Variants in SRPK2 observed in about 807,000 individuals in gnomAD.
SRPK2 encodes the protein SFRS protein kinase 2.
In SRPK2, 21 loss-of-function variants were observed where a neutral mutation model predicts 90.8. That is an observed-to-expected ratio of 0.23 (90% CI 0.16 to 0.33). SRPK2 has a LOEUF of 0.33. Ranked by LOEUF, SRPK2 falls within the 10% of genes least tolerant of loss-of-function variation. The pLI, the probability that SRPK2 is intolerant of heterozygous loss-of-function variation, is 1.00. For missense variants in SRPK2, 620 were observed against 869.0 expected (o/e 0.71, Z 3.60); for synonymous variants, 288 against 311.1 (o/e 0.93, Z 0.78).
At chr7:105,366,367 C>CT (rs34409221) in intron 2 of SRPK2, among the ~76,000 whole-genome samples, 1,471 of 139,260 alleles carry the variant, frequency 0.011, 45 homozygotes, top group East Asian at 0.063. Context: ...ACAGGTATGC[C>CT]TTTTTTTTTT....
intron 2 of SRPK2, among the ~76,000 whole-genome samples, chr7:105,328,637 G>T (rs936854301): frequency 6.6e-6 from 1 of 151,514 alleles, no homozygotes; most frequent in African/African-American, 2.4e-5. Flanking sequence ...GGCCGAGACG[G>T]GTGGATCACA....
chr7:105,155,699 G>C (rs894231305), intron 7 of SRPK2, among the ~76,000 whole-genome samples: 1 of 152,120 alleles, frequency 6.6e-6, no homozygotes, highest in Non-Finnish European at 1.5e-5. Flanking sequence ...CCTCTTAATT[G>C]GGTACTGTGA....
chr7:105,153,174 T>G (rs1297301898), intron 7 of SRPK2, among the ~76,000 whole-genome samples: 2 of 152,148 alleles, frequency 1.3e-5, no homozygotes, highest in African/African-American at 4.8e-5. Context: ...GGGAGCCATT[T>G]CACACACATG....
At chr7:105,306,417 T>C (rs192156290) in intron 2 of SRPK2, 5 of 420,370 alleles carry the variant, frequency 1.2e-5, no homozygotes, top group Non-Finnish European at 4.6e-6. Context: ...CCAAGATGTT[T>C]AAGTAGAAAT....
chr7:105,261,437 C>T (rs918064474), intron 2 of SRPK2, among the ~76,000 whole-genome samples: 6 of 151,782 alleles, frequency 4.0e-5, no homozygotes, highest in South Asian at 2.1e-4. Flanking sequence ...AGGAGAATGG[C>T]GTGAACCTGG....
chr7:105,300,369 C>G (rs1810393746), intron 2 of SRPK2, among the ~76,000 whole-genome samples: 1 of 151,338 alleles, frequency 6.6e-6, no homozygotes, highest in Non-Finnish European at 1.5e-5. Flanking sequence ...CTGGGATATA[C>G]TAATATTTCA....
At chr7:105,196,518 T>C (rs1307221220) in intron 3 of SRPK2, among the ~76,000 whole-genome samples, 1 of 152,148 alleles carries the variant, frequency 6.6e-6, no homozygotes, top group Admixed American at 6.5e-5. Context: ...GTGGAACCTT[T>C]AGCAGCATCC....
chr7:105,250,563 T>C (rs1028756915), intron 2 of SRPK2, among the ~76,000 whole-genome samples: 1 of 152,218 alleles, frequency 6.6e-6, no homozygotes, highest in Non-Finnish European at 1.5e-5. Context: ...TGACTCCTAA[T>C]AGGGATTTTT....
At chr7:105,174,382 A>G (rs1021882808) in intron 3 of SRPK2, among the ~76,000 whole-genome samples, 5 of 152,154 alleles carry the variant, frequency 3.3e-5, no homozygotes, top group Admixed American at 3.3e-4. Flanking sequence ...CTCCATGACA[A>G]TGTTCTGGAA....
At chr7:105,360,833 A>G (rs1208377265) in intron 2 of SRPK2, among the ~76,000 whole-genome samples, 1 of 152,152 alleles carries the variant, frequency 6.6e-6, no homozygotes, top group Non-Finnish European at 1.5e-5. Flanking sequence ...ATCTCAAAAT[A>G]GTAAGAGCTA....
intron 3 of SRPK2, among the ~76,000 whole-genome samples, chr7:105,190,770 C>CTA (rs1183800314): frequency 6.6e-6 from 1 of 152,096 alleles, no homozygotes; most frequent in Non-Finnish European, 1.5e-5. Flanking sequence ...TTTACTAAAC[C>CTA]ACCTGCTTGC....
At chr7:105,211,567 G>T (rs980061780) in intron 2 of SRPK2, among the ~76,000 whole-genome samples, 3 of 152,004 alleles carry the variant, frequency 2.0e-5, no homozygotes, top group Non-Finnish European at 4.4e-5. Flanking sequence ...GTGAGAGTGA[G>T]GGGGGAGGTG....
chr7:105,368,557 G>T (rs1819336172), intron 2 of SRPK2, among the ~76,000 whole-genome samples: 1 of 151,990 alleles, frequency 6.6e-6, no homozygotes, highest in Non-Finnish European at 1.5e-5. Flanking sequence ...TTCTAAACTG[G>T]CTAAGGCACT....
intron 3 of SRPK2, among the ~76,000 whole-genome samples, chr7:105,183,942 T>TAAC (rs1189213633): frequency 6.6e-6 from 1 of 150,926 alleles, no homozygotes; most frequent in Non-Finnish European, 1.5e-5. Flanking sequence ...TCAGATTCCA[T>TAAC]AACTAAAAAG....
chr7:105,131,617 T>A (rs1802014750), intron 13 of SRPK2, among the ~76,000 whole-genome samples: 1 of 152,228 alleles, frequency 6.6e-6, no homozygotes, highest in Non-Finnish European at 1.5e-5. Context: ...GAAAGCACCC[T>A]CTTTTTCTCC....
At chr7:105,360,326 C>G (rs1818285359) in intron 2 of SRPK2, among the ~76,000 whole-genome samples, 1 of 152,172 alleles carries the variant, frequency 6.6e-6, no homozygotes, top group South Asian at 2.1e-4. Flanking sequence ...GGTCTTGACT[C>G]TCTATCCAAT....
upstream of SRPK2, chr7:105,389,322 C>T (rs761769822): frequency 7.8e-7 from 1 of 1,280,984 alleles, no homozygotes; most frequent in African/African-American, 1.5e-5. Flanking sequence ...CACCTCTCTT[C>T]CCGCGGCCTC....
chr7:105,357,461 A>G (rs904317946), intron 2 of SRPK2, among the ~76,000 whole-genome samples: 3 of 152,178 alleles, frequency 2.0e-5, no homozygotes, highest in Non-Finnish European at 4.4e-5. Flanking sequence ...GACCTGCTAT[A>G]AACAATAAAT....
chr7:105,235,722 A>G (rs1800047340), intron 2 of SRPK2, among the ~76,000 whole-genome samples: 1 of 151,924 alleles, frequency 6.6e-6, no homozygotes, highest in Non-Finnish European at 1.5e-5. Flanking sequence ...AGGTGTTAAA[A>G]TATCTTTAAA....
Sources: gnomAD v4.1 joint callset for allele counts (sites outside exome capture counted in the v4.1 genomes callset) on GRCh38, gnomAD v4.1.1 for gene constraint, MANE v1.5 for transcripts, NCBI Gene and HGNC (gene_info 2026-07-23, HGNC 2026-07-21) for gene names.